MAD1L1: variants seen among roughly 807,000 people sequenced by gnomAD.
MAD1L1 encodes mitotic arrest deficient 1 like 1.
In MAD1L1, 95 loss-of-function variants were observed where a neutral mutation model predicts 96.9. The observed-to-expected ratio is 0.98, with a 90% CI of 0.83 to 1.16. The LOEUF (loss-of-function observed/expected upper bound fraction) is 1.16. Among genes scored for constraint, MAD1L1 ranks in the 50% most tolerant of loss-of-function variants. The pLI is 0.00. For synonymous variants in MAD1L1, 473 were observed against 396.6 expected (o/e 1.19, Z -2.29); for missense variants, 1,007 against 954.4 (o/e 1.06, Z -0.73).
intron 3 of MAD1L1, among the ~76,000 whole-genome samples, chr7:2,228,318 G>T (rs1291736311): frequency 1.3e-5 from 2 of 152,198 alleles, no homozygotes; most frequent in Non-Finnish European, 2.9e-5. Flanking sequence ...CTGGAGTGCA[G>T]TGGCGCGATG....
chr7:1,818,175 G>A (rs1186621819), intron 18 of MAD1L1, among the ~76,000 whole-genome samples: 2 of 152,110 alleles, frequency 1.3e-5, no homozygotes, highest in Non-Finnish European at 2.9e-5. Flanking sequence ...TCCTGCAGCT[G>A]CCGGGCAGGG....
In MAD1L1 at chr7:2,014,572, T is replaced by A. The variant is rs773495963; in HGVS notation, c.1289A>T (p.Gln430Leu). ...AGCCTCCCGCATGCGCCGCGTCAGC[T>A]GGGGTGAGTACTCGGCCGGGGTCAG... The part of the protein sequence containing the change: ...SELTPAEYSP[Q>L]LTRRMREAED... Residue 430 changes from glutamine (Q) to leucine (L), a missense_variant, in exon 13 of 19, where the codon CAG becomes CTG. Coordinates refer to ENST00000265854, the MANE Select transcript of MAD1L1 (RefSeq NM_001013836.2). The A allele has an allele frequency of 1.9e-5, 31 of 1,612,092 alleles. No individual in the cohort carries two copies. In the South Asian group the frequency reaches 3.2e-4, roughly 17 times the overall value.
intron 11 of MAD1L1, among the ~76,000 whole-genome samples, chr7:2,130,387 G>A (rs989342374): frequency 1.3e-5 from 2 of 152,180 alleles, no homozygotes; most frequent in African/African-American, 2.4e-5. Context: ...AGTTCCCCAG[G>A]GGCACACCAG....
intron 2 of MAD1L1, 134 bp downstream of exon 2, chr7:2,230,415 G>A (rs546921239): frequency 2.2e-5 from 8 of 355,780 alleles, no homozygotes; most frequent in East Asian, 1.6e-4. Flanking sequence ...GACAGCTGGC[G>A]CCCGGGAGGC....
intron 18 of MAD1L1, among the ~76,000 whole-genome samples, chr7:1,873,710 G>T (rs762212427): frequency 6.6e-6 from 1 of 152,110 alleles, no homozygotes; most frequent in Admixed American, 6.5e-5. Flanking sequence ...CCCGGGTGCA[G>T]GATGTGCCCT....
At chr7:1,980,933 C>T (rs565227000) in intron 14 of MAD1L1, 39 of 362,690 alleles carry the variant, frequency 1.1e-4, no homozygotes, top group East Asian at 4.4e-4. Flanking sequence ...TACAGAACAG[C>T]GTGAGATGCT....
Position 1,936,764 on chromosome 7 carries a change from G to A in MAD1L1, c.1730C>T (p.Ala577Val). Residue 577 changes from alanine to valine, a missense_variant, in exon 17 of 19, where the codon GCC becomes GTC. Ala to Val is a moderately conservative substitution (Grantham distance 64). Coordinates refer to ENST00000265854, the MANE Select transcript of MAD1L1 (RefSeq NM_001013836.2). ...ECERLRGLLR[A>V]MERGGTVPAD... is the part of the protein sequence containing the mutation. ...TGGGACGGTGCCTCCTCTCTCCATG[G>A]CGCGCAGGAGCCCGCGCAGTCGCTC... 6.4e-7 allele frequency: 1 copy of A among 1,571,546 alleles called. No homozygotes were observed. The highest frequency in any genetic ancestry group is 8.6e-7 in the Non-Finnish European group (1 of 1,159,710).
At chr7:2,128,094 G>T (rs1349372451) in intron 11 of MAD1L1, among the ~76,000 whole-genome samples, 1 of 152,144 alleles carries the variant, frequency 6.6e-6, no homozygotes, top group African/African-American at 2.4e-5. Context: ...TCGGGCTCTG[G>T]TCCGGCCTCA....
chr7:2,063,727 C>T (rs1376723033), intron 12 of MAD1L1, among the ~76,000 whole-genome samples: 3 of 152,216 alleles, frequency 2.0e-5, no homozygotes, highest in Non-Finnish European at 2.9e-5. Context: ...GAGGCCCTGC[C>T]CTCTTCCCGT....
chr7:2,177,635 T>C (rs1791007837), intron 10 of MAD1L1, among the ~76,000 whole-genome samples: 1 of 152,228 alleles, frequency 6.6e-6, no homozygotes, highest in African/African-American at 2.4e-5. Flanking sequence ...TGCATTACTA[T>C]TAAAACCACA....
At chr7:2,044,076 C>T (rs1425379704) in intron 12 of MAD1L1, among the ~76,000 whole-genome samples, 1 of 152,204 alleles carries the variant, frequency 6.6e-6, no homozygotes, top group Non-Finnish European at 1.5e-5. Context: ...CATGGGAGGA[C>T]GAGCTGCCTA....
In MAD1L1 at chr7:2,034,406, G is replaced by A. The variant is rs547934562; in HGVS notation, c.1219-19764C>T. On this transcript the variant is annotated intron_variant, in intron 12 of 18. Coordinates refer to ENST00000265854, the MANE Select transcript of MAD1L1 (RefSeq NM_001013836.2). ...TAATTTTTTGTATTTTAGTAGAGAC[G>A]GGGTTTCACCGTGTTGCCCAGGCTG... Among the ~76,000 whole-genome samples the A allele has an allele frequency of 7.8e-4, 119 of 152,098 alleles. 1 individual carries two copies. The highest frequency in any genetic ancestry group is 2.5e-3 in the African/African-American group (105 of 41,478).
At position 2,059,601 on chromosome 7, in the gene MAD1L1, G is replaced by C. The variant is rs115766213; in HGVS notation, c.1218+9593C>G. On this transcript the variant is annotated intron_variant, in intron 12 of 18. Transcript: ENST00000265854. ...GAGGGGAGAGGAGAGGCACGGGGCT[G>C]GTGGGGAAGCGTGGCCAGGGGAGAG... 8.1e-3 allele frequency among the ~76,000 whole-genome samples: 1,217 copies of C among 150,458 alleles called. 17 individuals are homozygous for C. The highest frequency in any genetic ancestry group is 0.029 in the African/African-American group (1,166 of 40,552).
chr7:1,869,492 G>A (rs983663386), intron 18 of MAD1L1, among the ~76,000 whole-genome samples: 30 of 151,856 alleles, frequency 2.0e-4, no homozygotes, highest in African/African-American at 7.2e-4. Flanking sequence ...CTGGGAGCAG[G>A]TGACCTCCCC....
At chr7:2,156,967 G>A (rs1287708460) in intron 10 of MAD1L1, among the ~76,000 whole-genome samples, 2 of 152,156 alleles carry the variant, frequency 1.3e-5, no homozygotes, top group African/African-American at 2.4e-5. Flanking sequence ...CCCACCACAC[G>A]TGTGACAGAG....
At chr7:2,219,233 G>A (rs1793455018) in intron 6 of MAD1L1, 99 bp downstream of exon 6, 2 of 1,132,984 alleles carry the variant, frequency 1.8e-6, no homozygotes. Flanking sequence ...GACAGCATCT[G>A]GGAGTGTATC....
chr7:2,079,129 T>C (rs956770407), intron 11 of MAD1L1, among the ~76,000 whole-genome samples: 4 of 152,150 alleles, frequency 2.6e-5, no homozygotes, highest in African/African-American at 9.7e-5. Flanking sequence ...CCCCACACCG[T>C]CATGAGGTTG....
chr7:1,949,874 A>C (rs1779408222), intron 16 of MAD1L1, among the ~76,000 whole-genome samples: 1 of 152,212 alleles, frequency 6.6e-6, no homozygotes, highest in Non-Finnish European at 1.5e-5. Flanking sequence ...CCGGGCCTCC[A>C]AGAGGCTGCA....
intron 17 of MAD1L1, among the ~76,000 whole-genome samples, chr7:1,912,339 G>A (rs1280974332): frequency 6.6e-6 from 1 of 152,236 alleles, no homozygotes; most frequent in African/African-American, 2.4e-5. Flanking sequence ...AACATGAGCT[G>A]AGAAACTCTG....
Sources: allele counts gnomAD v4.1 joint callset (sites outside exome capture counted in the v4.1 genomes callset), GRCh38; gene constraint gnomAD v4.1.1; transcripts MANE v1.5; gene names NCBI Gene and HGNC (gene_info 2026-07-23, HGNC 2026-07-21).